RALGAPA1: variants seen among roughly 807,000 people sequenced by gnomAD.
RALGAPA1 encodes the protein Ral GTPase activating protein catalytic subunit alpha 1.
RALGAPA1 carries 52 observed loss-of-function variants against 269.6 expected under a neutral mutation model. The observed-to-expected ratio is 0.19, with a 90% CI of 0.15 to 0.24. The LOEUF (loss-of-function observed/expected upper bound fraction) is 0.24. RALGAPA1 is among the 10% of genes least tolerant of loss of function. RALGAPA1 has a pLI of 1.00. For synonymous variants in RALGAPA1, 817 were observed against 1,008.3 expected, an observed-to-expected ratio of 0.81 and a Z score of 3.60; for missense variants, 1,917 against 3,013.9, an observed-to-expected ratio of 0.64 and a Z score of 8.52.
chr14:35,601,127 A>G (rs1431052120), intron 36 of RALGAPA1, among the ~76,000 whole-genome samples: 1 of 152,196 alleles, frequency 6.6e-6, no homozygotes, highest in Non-Finnish European at 1.5e-5. Context: ...TGTGATGTTC[A>G]CTGACACAGT....
At position 35,627,630 on chromosome 14, in the gene RALGAPA1, C is replaced by T; in HGVS notation, c.6317G>A (p.Arg2106His). Residue 2106 changes from arginine (R) to histidine (H), a missense_variant, in exon 34 of 42, where the codon CGT (arginine) becomes CAT (histidine). Arg to His is a conservative substitution (Grantham distance 29). This residue lies in a region of RALGAPA1 where 346 missense variants were observed against 566.1 expected (regional missense o/e 0.61). Transcript: ENST00000680220. ...SANSNVRIIV[R>H]DLSGKYSWDS... is the part of the protein sequence containing the mutation. ...CCATGAATATTTTCCAGAGAGATCA[C>T]GTACTATGATTCTGACATTTGAATT... is the stretch of plus-strand genomic sequence containing the variant. 1.3e-6 allele frequency: 2 copies of T among 1,589,288 alleles called. No homozygotes were observed. The highest frequency in any genetic ancestry group is 8.6e-7 in the Non-Finnish European group (1 of 1,166,936).
chr14:35,744,074 A>T (rs923093701), intron 10 of RALGAPA1, among the ~76,000 whole-genome samples: 5 of 152,102 alleles, frequency 3.3e-5, no homozygotes, highest in African/African-American at 1.2e-4. Flanking sequence ...TTTAGGTGCA[A>T]ATAGAATTAA....
intron 35 of RALGAPA1, among the ~76,000 whole-genome samples, chr14:35,607,666 AG>A (rs1369615751): frequency 6.6e-6 from 1 of 152,220 alleles, no homozygotes; most frequent in Non-Finnish European, 1.5e-5. Context: ...AGTGAGAGAT[AG>A]GTTTTGCCTA....
chr14:35,660,245 T>C (rs1048667476), intron 27 of RALGAPA1, among the ~76,000 whole-genome samples: 3 of 151,964 alleles, frequency 2.0e-5, no homozygotes, highest in African/African-American at 7.2e-5. Context: ...GATGACATAA[T>C]CTAATATATA....
At position 35,721,902 on chromosome 14, in the gene RALGAPA1, T is replaced by C. The variant is rs2069449968; in HGVS notation, c.2105-53A>G. ...ATACTGTTACTTGATCAATAATATC[T>C]TCAAGTTATGCGTGCTACCTTGCCT... On this transcript the variant is annotated intron_variant, in intron 15 of 41. Coordinates refer to ENST00000680220, the MANE Select transcript of RALGAPA1 (RefSeq NM_001346249.2). The C allele has an allele frequency of 2.0e-6, 3 of 1,470,000 alleles. No individual in the cohort carries two copies. The South Asian group carries it at 3.5e-5, about 17-fold the overall frequency. 91.1% of individuals were successfully genotyped at this position (1,470,000 alleles called of 1,614,324 possible).
chr14:35,607,369 G>A (rs949589566), intron 35 of RALGAPA1, among the ~76,000 whole-genome samples: 2 of 152,158 alleles, frequency 1.3e-5, no homozygotes, highest in Non-Finnish European at 2.9e-5. Context: ...CAGGTTACTA[G>A]AGGCATTTCT....
intron 13 of RALGAPA1, among the ~76,000 whole-genome samples, chr14:35,727,841 G>C (rs959013616): frequency 3.9e-5 from 6 of 152,090 alleles, no homozygotes; most frequent in Admixed American, 3.9e-4. Flanking sequence ...AAAAACAGCA[G>C]AATTAGACAT....
chr14:35,761,462 G>A (rs1044000192), intron 5 of RALGAPA1, among the ~76,000 whole-genome samples: 37 of 151,810 alleles, frequency 2.4e-4, no homozygotes, highest in African/African-American at 8.5e-4. Flanking sequence ...GAAAAGTTCT[G>A]AAATTATTAA....
intron 41 of RALGAPA1, among the ~76,000 whole-genome samples, chr14:35,547,746 T>C (rs2054579336): frequency 6.6e-6 from 1 of 152,138 alleles, no homozygotes; most frequent in Admixed American, 6.6e-5. Context: ...TTTTTATCTC[T>C]TTCAAAAGAT....
At chr14:35,786,657 C>A (rs1476490309) in intron 1 of RALGAPA1, among the ~76,000 whole-genome samples, 1 of 152,050 alleles carries the variant, frequency 6.6e-6, no homozygotes, top group Non-Finnish European at 1.5e-5. Flanking sequence ...GTTACCAAAT[C>A]CATAAAGTAT....
intron 7 of RALGAPA1, among the ~76,000 whole-genome samples, chr14:35,752,494 C>G (rs748994784): frequency 6.6e-6 from 1 of 152,088 alleles, no homozygotes; most frequent in Admixed American, 6.6e-5. Flanking sequence ...AATACATAAG[C>G]ATATGTGGCA....
intron 41 of RALGAPA1, among the ~76,000 whole-genome samples, chr14:35,543,528 T>C (rs1230645361): frequency 6.6e-6 from 1 of 152,208 alleles, no homozygotes; most frequent in Admixed American, 6.5e-5. Context: ...ATATTAAAGG[T>C]TAAAGGCTAC....
intron 39 of RALGAPA1, among the ~76,000 whole-genome samples, chr14:35,558,065 G>C (rs1331119243): frequency 6.6e-6 from 1 of 151,594 alleles, no homozygotes; most frequent in African/African-American, 2.4e-5. Context: ...GAAAGGCCAA[G>C]GAGTGTTTAT....
At position 35,750,636 on chromosome 14, in the gene RALGAPA1, T is replaced by G. The variant is rs981258760; in HGVS notation, c.857A>C (p.Glu286Ala). ...TGTACAATAGATTGCTTCATTGGTT[T>G]CAGCATCTTTCTTTATCACGACATA... ...PHYVVIKKDAETNEAIYCTKE... is the reference protein window; with the variant it reads ...PHYVVIKKDAATNEAIYCTKE... Residue 286 changes from glutamate to alanine, a missense_variant, in exon 9 of 42, where the codon GAA becomes GCA. Physicochemically the swap from Glu to Ala is moderately radical, Grantham distance 107. Transcript: ENST00000680220. 4 of 1,613,332 alleles carry G rather than the reference T, an allele frequency of 2.5e-6. No homozygotes were observed. The African/African-American group carries it at 5.3e-5, about 22-fold the overall frequency.
In RALGAPA1 at chr14:35,723,276, AAT is replaced by A; in HGVS notation, c.1867-14_1867-13del. 7.1e-7 allele frequency: 1 copy of A among 1,412,846 alleles called. No homozygotes were observed. The highest frequency in any genetic ancestry group is 9.9e-7 in the Non-Finnish European group (1 of 1,012,280). The allele number at this position is 1,412,846 out of a possible 1,614,324, so 87.5% of individuals were successfully genotyped here. A position where few individuals can be genotyped will look rare whatever the true frequency, so the allele number is the denominator to read the frequency against. ...GCAACTATAAGGGTCTATAAAGACA[AAT>A]ATCAGAAATAACAATAAAATGTGTT... On this transcript the variant is annotated splice_polypyrimidine_tract_variant and intron_variant, in intron 14 of 41. Transcript: ENST00000680220.
chr14:35,622,960 G>A (rs1438612355), intron 35 of RALGAPA1, among the ~76,000 whole-genome samples: 1 of 151,934 alleles, frequency 6.6e-6, no homozygotes, highest in Non-Finnish European at 1.5e-5. Flanking sequence ...AATTAGCCAG[G>A]TGTGATGTGT....
intron 16 of RALGAPA1, among the ~76,000 whole-genome samples, chr14:35,712,308 T>C (rs2068425920): frequency 6.6e-6 from 1 of 151,948 alleles, no homozygotes; most frequent in Admixed American, 6.6e-5. Flanking sequence ...TTTCCAGTGT[T>C]GGTGGTAAGT....
intron 1 of RALGAPA1, among the ~76,000 whole-genome samples, chr14:35,794,800 T>C (rs2076441922): frequency 6.6e-6 from 1 of 152,224 alleles, no homozygotes; most frequent in African/African-American, 2.4e-5. Context: ...ATATACAATC[T>C]GTATTTATGT....
At chr14:35,734,239 A>T (rs2070768708) in intron 12 of RALGAPA1, among the ~76,000 whole-genome samples, 1 of 152,202 alleles carries the variant, frequency 6.6e-6, no homozygotes, top group Non-Finnish European at 1.5e-5. Flanking sequence ...AAGGACCCAC[A>T]TAGCCAAAGC....
Sources: gnomAD v4.1 joint callset for allele counts (sites outside exome capture counted in the v4.1 genomes callset) on GRCh38, gnomAD v4.1.1 for gene constraint, gnomAD v4.1.1 regional missense constraint, MANE v1.5 for transcripts, NCBI Gene and HGNC (gene_info 2026-07-23, HGNC 2026-07-21) for gene names.